The following GGACT variants were observed in gnomAD, a reference collection of about 807,000 sequenced individuals.
GGACT encodes gamma-glutamylaminecyclotransferase.
For synonymous variants in GGACT, 118 were observed against 115.3 expected (o/e 1.02, Z -0.15); for missense variants, 241 against 233.2 (o/e 1.03, Z -0.22).
At chr13:100,567,042 C>T (rs182577807) in intron 2 of GGACT, among the ~76,000 whole-genome samples, 28 of 152,278 alleles carry the variant, frequency 1.8e-4, no homozygotes, top group Non-Finnish European at 3.2e-4. Flanking sequence ...TGATTAGATT[C>T]GGATGGTATA....
At chr13:100,555,803 T>C (rs1013692563) in intron 2 of GGACT, among the ~76,000 whole-genome samples, 1 of 152,250 alleles carries the variant, frequency 6.6e-6, no homozygotes, top group Admixed American at 6.5e-5. Context: ...TAATGTTTCA[T>C]CCTAGGAATG....
chr13:100,538,137 A>G (rs1282460707), intron 2 of GGACT: 1 of 152,216 alleles, frequency 6.6e-6, no homozygotes, highest in East Asian at 1.9e-4. Context: ...CATTTAACAG[A>G]TGAAGAAACT....
chr13:100,569,363 A>G (rs970468517), intron 2 of GGACT, among the ~76,000 whole-genome samples: 1 of 152,220 alleles, frequency 6.6e-6, no homozygotes, highest in African/African-American at 2.4e-5. Flanking sequence ...CTTGACCGCT[A>G]TGTACCCACA....
chr13:100,565,415 G>A (rs1188243749), intron 2 of GGACT, among the ~76,000 whole-genome samples: 1 of 152,152 alleles, frequency 6.6e-6, no homozygotes, highest in Non-Finnish European at 1.5e-5. Flanking sequence ...TAGTGCTTAC[G>A]AGACGTAACT....
chr13:100,556,098 T>G (rs889115576), intron 2 of GGACT, among the ~76,000 whole-genome samples: 6 of 152,238 alleles, frequency 3.9e-5, no homozygotes, highest in Admixed American at 1.3e-4. Flanking sequence ...ACGTCCACTC[T>G]TCCTACTTCT....
At chr13:100,535,648 C>T (rs2088480760) in intron 2 of GGACT, 1 of 152,292 alleles carries the variant, frequency 6.6e-6, no homozygotes, top group Admixed American at 6.5e-5. Flanking sequence ...CCAACAGACT[C>T]ATCATAGTTT....
chr13:100,557,893 CA>C (rs2088723094), intron 2 of GGACT, among the ~76,000 whole-genome samples: 1 of 151,914 alleles, frequency 6.6e-6, no homozygotes. Context: ...TAAAAGTAGG[CA>C]AAACAAAGGC....
At position 100,531,182 on chromosome 13, in the gene GGACT, G is replaced by A. The variant is rs1207850537; in HGVS notation, c.*948C>T. Reference sequence around the variant, plus strand: ...GAAGCAGAAGCAAGAGCCGTGCACCGAGTTGAATCGATGCTGACAATTATC... The same window carrying A: ...GAAGCAGAAGCAAGAGCCGTGCACCAAGTTGAATCGATGCTGACAATTATC... On this transcript the variant is annotated 3_prime_UTR_variant, in exon 3 of 3. Coordinates refer to ENST00000683975, the MANE Select transcript of GGACT (RefSeq NM_001195087.2). 3 of 152,252 alleles carry A rather than the reference G, an allele frequency of 2.0e-5. No individual in the cohort carries two copies. The highest frequency in any genetic ancestry group is 7.2e-5 in the African/African-American group (3 of 41,458). The allele number at this position is 152,252 out of a possible 1,614,324, so 9.4% of individuals were successfully genotyped here.
intron 2 of GGACT, among the ~76,000 whole-genome samples, chr13:100,573,020 A>G (rs1875133005): frequency 6.6e-6 from 1 of 152,214 alleles, no homozygotes; most frequent in Admixed American, 6.5e-5. Flanking sequence ...GAAAAAGTTT[A>G]GAAAGTACAT....
chr13:100,574,499 C>G (rs1875192598), intron 2 of GGACT, among the ~76,000 whole-genome samples: 1 of 152,150 alleles, frequency 6.6e-6, no homozygotes, highest in African/African-American at 2.4e-5. Context: ...TCGATTGAAC[C>G]TGGGAGGCAG....
Position 100,532,459 on chromosome 13 carries a change from C to T in GGACT, c.133G>A (p.Ala45Thr). 1 of 1,549,720 alleles carries T rather than the reference C, an allele frequency of 6.5e-7. No individual in the cohort carries two copies. The highest frequency in any genetic ancestry group is 8.7e-7 in the Non-Finnish European group (1 of 1,146,612). Reference protein sequence around the residue: ...RTLEPYPLVIAGEHNIPWLLH... With the variant: ...RTLEPYPLVITGEHNIPWLLH... ...AGCCACGGGATGTTGTGCTCCCCCG[C>T]GATCACCAACGGGTAGGGCTCCAGC... The change falls in exon 3 of 3, where the codon GCG becomes ACG. Residue 45 changes from alanine to threonine, a missense_variant. Ala to Thr is a moderately conservative substitution (Grantham distance 58). Transcript: ENST00000683975.
chr13:100,567,677 T>TTCATTCACTCC (rs1345650817), intron 2 of GGACT, among the ~76,000 whole-genome samples: 2 of 152,220 alleles, frequency 1.3e-5, no homozygotes, highest in Non-Finnish European at 2.9e-5. Context: ...TTACATTCAC[T>TTCATTCACTCC]TCTTTACACC....
At chr13:100,541,909 A>T (rs1386949462) in intron 2 of GGACT, 1 of 152,232 alleles carries the variant, frequency 6.6e-6, no homozygotes. Context: ...CATCCTTCAT[A>T]ACATAAAGTT....
At chr13:100,584,866 A>C (rs1197952250) in intron 1 of GGACT, among the ~76,000 whole-genome samples, 1 of 152,218 alleles carries the variant, frequency 6.6e-6, no homozygotes, top group Non-Finnish European at 1.5e-5. Flanking sequence ...GAAAAAGAAA[A>C]AATGTCTTCT....
intron 1 of GGACT, among the ~76,000 whole-genome samples, chr13:100,585,386 GT>G (rs1875536638): frequency 6.6e-6 from 1 of 152,308 alleles, no homozygotes; most frequent in Admixed American, 6.5e-5. Context: ...GAGCTGAGCA[GT>G]TGTGGCAGAG....
At chr13:100,560,355 G>A (rs1329410358) in intron 2 of GGACT, among the ~76,000 whole-genome samples, 1 of 152,216 alleles carries the variant, frequency 6.6e-6, no homozygotes, top group African/African-American at 2.4e-5. Flanking sequence ...GATCTGACTC[G>A]CTTTTCTGCA....
intron 2 of GGACT, among the ~76,000 whole-genome samples, chr13:100,564,209 A>G (rs1163025769): frequency 6.6e-6 from 1 of 152,232 alleles, no homozygotes; most frequent in Admixed American, 6.5e-5. Flanking sequence ...GATTCTGGTG[A>G]TTACCCTTTG....
intron 2 of GGACT, chr13:100,536,641 GA>G (rs2088496799): frequency 6.6e-6 from 1 of 151,830 alleles, no homozygotes; most frequent in African/African-American, 2.4e-5. Flanking sequence ...TGTTTCAAGA[GA>G]TTTTCTTCAC....
chr13:100,546,847 G>A (rs991489324), intron 2 of GGACT, among the ~76,000 whole-genome samples: 7 of 152,186 alleles, frequency 4.6e-5, no homozygotes, highest in Admixed American at 1.3e-4. Context: ...GGAGTCGCAT[G>A]GCCCATCCTC....
Sources: gnomAD v4.1 joint callset for allele counts (sites outside exome capture counted in the v4.1 genomes callset) on GRCh38, gnomAD v4.1.1 for gene constraint, MANE v1.5 for transcripts, NCBI Gene and HGNC (gene_info 2026-07-23, HGNC 2026-07-21) for gene names.